ABCA4: variants seen among roughly 807,000 people sequenced by gnomAD.
The protein encoded by ABCA4 is ATP binding cassette subfamily A member 4.
A neutral mutation model predicts 263.7 loss-of-function variants in ABCA4; 196 were observed. The observed-to-expected ratio is 0.74, with a 90% CI of 0.66 to 0.84. The LOEUF (loss-of-function observed/expected upper bound fraction) is 0.84, where lower values mean the gene tolerates loss of function less well. Among genes scored for constraint, ABCA4 ranks in the 40% least tolerant of loss-of-function variants. The pLI is 0.00. For synonymous variants in ABCA4, 1,133 were observed against 1,094.2 expected (o/e 1.04, Z -0.70); for missense variants, 2,792 against 2,855.1 (o/e 0.98, Z 0.50).
At chr1:94,008,718 C>A in intron 41 of ABCA4, 33 bp downstream of exon 41, 1 of 1,613,724 alleles carries the variant, frequency 6.2e-7, no homozygotes, top group Non-Finnish European at 8.5e-7. Flanking sequence ...GTGGATCTAA[C>A]CAGCACCTCC....
At chr1:94,019,787 A>T (rs1659846753) in intron 35 of ABCA4, 28 bp from the exon 36 acceptor site, 1 of 1,600,446 alleles carries the variant, frequency 6.2e-7, no homozygotes, top group East Asian at 2.2e-5. Flanking sequence ...ACACAGGGAG[A>T]GGGCGATGAA....
chr1:94,077,713 G>A lies in ABCA4; in HGVS notation c.1531C>T (p.Arg511Cys), dbSNP rs752786160. The part of the protein sequence containing the change: ...DIFNITDRTL[R>C]LVNQYLECLV... ...ACCTCCAGGTATTGATTGACCAGGC[G>A]GAGGGTGCGATCAGTGATGTTAAAT... is the stretch of plus-strand genomic sequence containing the variant. Residue 511 changes from arginine to cysteine, a missense_variant, in exon 11 of 50, where the codon CGC (arginine) becomes TGC (cysteine). By Grantham distance (180) the Arg-to-Cys change is radical. Coordinates refer to ENST00000370225, the MANE Select transcript of ABCA4 (RefSeq NM_000350.3). 7.8e-5 allele frequency: 126 copies of A among 1,613,382 alleles called. No homozygotes were observed. The East Asian group carries it at 1.3e-3, about 16-fold the overall frequency.
chr1:94,011,282 G>T lies in ABCA4; in HGVS notation c.5564C>A (p.Thr1855Lys), dbSNP rs367565445. The change falls in exon 39 of 50, where the codon ACA (threonine) becomes AAA (lysine). Residue 1855 changes from threonine to lysine, a missense_variant. By Grantham distance (78) the Thr-to-Lys change is moderately conservative. Coordinates refer to ENST00000370225, the MANE Select transcript of ABCA4 (RefSeq NM_000350.3). ...CCCACCAAACCGGGCATAGACATCTGTCACAGCCTGGCTCAGTGCAAGGTC... is the reference window on the plus strand; with the variant it reads ...CCCACCAAACCGGGCATAGACATCTTTCACAGCCTGGCTCAGTGCAAGGTC... ...LIDLALSQAV[T>K]DVYARFGEEH... 7.4e-6 allele frequency: 12 copies of T among 1,614,100 alleles called. No individual in the cohort carries two copies. The highest frequency in any genetic ancestry group is 1.0e-5 in the Non-Finnish European group (12 of 1,180,030).
At chr1:94,062,890 C>T (rs1661170941) in intron 12 of ABCA4, 137 bp from the exon 13 acceptor site, 1 of 1,099,142 alleles carries the variant, frequency 9.1e-7, no homozygotes, top group Non-Finnish European at 1.3e-6. Context: ...ATTCTATTTC[C>T]TAGTCCTCAG....
chr1:94,051,548 G>T, intron 17 of ABCA4, 85 bp downstream of exon 17: 1 of 1,223,446 alleles, frequency 8.2e-7, no homozygotes, highest in Non-Finnish European at 1.2e-6. Context: ...TTACATAGAG[G>T]GCCACCTCTG....
intron 7 of ABCA4, among the ~76,000 whole-genome samples, chr1:94,081,317 G>A (rs984584875): frequency 8.5e-5 from 13 of 152,098 alleles, no homozygotes; most frequent in African/African-American, 2.7e-4. Context: ...ATTTGAATTC[G>A]TTGGGAATGT....
intron 38 of ABCA4, 22 bp downstream of exon 38, chr1:94,014,521 A>T: frequency 6.2e-7 from 1 of 1,613,910 alleles, no homozygotes; most frequent in South Asian, 1.1e-5. Context: ...TCAAACAAAA[A>T]AGCCAAGAAA....
intron 42 of ABCA4, 68 bp downstream of exon 42, chr1:94,008,167 G>A: frequency 7.1e-7 from 1 of 1,401,166 alleles, no homozygotes; most frequent in Non-Finnish European, 1.0e-6. Context: ...TCTGCCTTAT[G>A]GGGAGGAGAG....
chr1:94,044,867 C>T, intron 19 of ABCA4, 123 bp from the exon 20 acceptor site: 1 of 1,496,294 alleles, frequency 6.7e-7, no homozygotes, highest in Non-Finnish European at 9.2e-7. Flanking sequence ...GTCAGTCAAA[C>T]TCAAACCCCT....
intron 19 of ABCA4, chr1:94,045,795 G>A (rs1394421681): frequency 2.2e-6 from 1 of 456,134 alleles, no homozygotes; most frequent in Non-Finnish European, 4.4e-6. Context: ...GGGTGTACAC[G>A]CTGTTGTTCC....
chr1:94,118,494 G>A (rs1662860901), intron 1 of ABCA4, among the ~76,000 whole-genome samples: 1 of 152,174 alleles, frequency 6.6e-6, no homozygotes, highest in Admixed American at 6.5e-5. Context: ...GTTTCCAGAA[G>A]AACCGCAAGC....
At chr1:94,040,792 T>G (rs2101047884) in intron 23 of ABCA4, among the ~76,000 whole-genome samples, 1 of 152,334 alleles carries the variant, frequency 6.6e-6, no homozygotes, top group Non-Finnish European at 1.5e-5. Context: ...CCTTCATCAT[T>G]TTTATGTTAT....
In ABCA4 at chr1:94,021,836, G is replaced by A. The variant is rs542635869; in HGVS notation, c.4773+10C>T. ...AAAATCCTACTCAAATCTCCAGTCT[G>A]TTTACATACCCCGCTCACATTCATG... On this transcript the variant is annotated intron_variant, in intron 33 of 49. Transcript: ENST00000370225. 1.7e-5 allele frequency: 27 copies of A among 1,613,724 alleles called. No individual in the cohort carries two copies. The highest frequency in any genetic ancestry group is 2.2e-5 in the Non-Finnish European group (26 of 1,179,810).
intron 11 of ABCA4, among the ~76,000 whole-genome samples, chr1:94,069,478 T>A (rs549656136): frequency 6.6e-6 from 1 of 152,294 alleles, no homozygotes; most frequent in East Asian, 1.9e-4. Context: ...TTAGAGATGT[T>A]GGCTGTATAA....
At chr1:94,104,191 T>C (rs977980162) in intron 4 of ABCA4, among the ~76,000 whole-genome samples, 3 of 152,166 alleles carry the variant, frequency 2.0e-5, no homozygotes, top group African/African-American at 2.4e-5. Context: ...CTGCTAGTGC[T>C]ATAGTTCATG....
rs1468192056 is a variant in ABCA4, at chr1:94,030,941, G to A, written c.4253+55C>T. 11 of 1,612,384 alleles carry A rather than the reference G, an allele frequency of 6.8e-6. No individual in the cohort carries two copies. The South Asian group carries it at 1.2e-4, about 18-fold the overall frequency. ...AGGTCAGGGCCCTTCTAAGCAGCAT[G>A]TGACCCAGGTGCCCCAAACCCACAG... is the stretch of plus-strand genomic sequence containing the variant. On this transcript the variant is annotated intron_variant, in intron 28 of 49. Coordinates refer to ENST00000370225, the MANE Select transcript of ABCA4 (RefSeq NM_000350.3).
In ABCA4 at chr1:94,121,124, G is replaced by T; in HGVS notation, c.-79C>A. On this transcript the variant is annotated 5_prime_UTR_variant, in exon 1 of 50. Transcript: ENST00000370225. ...AAAGGACATAAACGCCGTTAAGAGC[G>T]CCTCTGGCTCCGGACGCTGTGTCCT... The T allele has an allele frequency of 3.7e-6, 5 of 1,340,808 alleles. No individual in the cohort carries two copies. In the Admixed American group the frequency reaches 5.0e-5, roughly 13 times the overall value. 83.1% of individuals were successfully genotyped at this position (1,340,808 alleles called of 1,614,324 possible).
chr1:94,053,378 G>A (rs1016170229), intron 16 of ABCA4, among the ~76,000 whole-genome samples: 3 of 152,090 alleles, frequency 2.0e-5, no homozygotes, highest in Non-Finnish European at 4.4e-5. Flanking sequence ...TAGGAGAATT[G>A]GTTGGTGCCA....
intron 14 of ABCA4, among the ~76,000 whole-genome samples, chr1:94,060,234 C>T (rs184144742): frequency 2.6e-5 from 4 of 152,322 alleles, no homozygotes; most frequent in African/African-American, 7.2e-5. Context: ...TACACTATCA[C>T]CCTGTGCAGG....
Sources: gnomAD v4.1 joint callset for allele counts (sites outside exome capture counted in the v4.1 genomes callset) on GRCh38, gnomAD v4.1.1 for gene constraint, MANE v1.5 for transcripts, NCBI Gene and HGNC (gene_info 2026-07-23, HGNC 2026-07-21) for gene names.